TUSC3: variants seen among roughly 807,000 people sequenced by gnomAD.
TUSC3 encodes dolichyl-diphosphooligosaccharide--protein glycosyltransferase subunit TUSC3.
Under a neutral mutation model 44.8 loss-of-function variants are expected in TUSC3, and 45 were observed. The observed-to-expected ratio is 1.00, with a 90% CI of 0.79 to 1.29. The LOEUF is 1.29. Ranked by LOEUF, TUSC3 falls within the 50% of genes most tolerant of loss-of-function variation. TUSC3 has a pLI of 0.00. For synonymous variants in TUSC3, 212 were observed against 152.9 expected (o/e 1.39, Z -2.85); for missense variants, 519 against 437.9 (o/e 1.19, Z -1.65).
chr8:15,461,167 A>G (rs1278220187), intron 1 of TUSC3, among the ~76,000 whole-genome samples: 2 of 152,000 alleles, frequency 1.3e-5, no homozygotes, highest in Non-Finnish European at 2.9e-5. Context: ...TGAGCATGGG[A>G]TGTGTTTCCC....
At chr8:15,669,988 T>A (rs962693055) in intron 5 of TUSC3, among the ~76,000 whole-genome samples, 1 of 131,194 alleles carries the variant, frequency 7.6e-6, no homozygotes, top group African/African-American at 2.6e-5. Flanking sequence ...CATGTCATAA[T>A]GCATCATAAA....
the TUSC3 span, among the ~76,000 whole-genome samples, chr8:15,802,416 A>G: frequency 5.3e-5 from 8 of 152,110 alleles, no homozygotes; most frequent in Non-Finnish European, 1.0e-4. Context: ...AATATAAATA[A>G]TTGCAAAATT....
At chr8:15,464,845 C>T (rs1563258214) in intron 1 of TUSC3, among the ~76,000 whole-genome samples, 2 of 152,048 alleles carry the variant, frequency 1.3e-5, no homozygotes, top group Non-Finnish European at 1.5e-5. Context: ...TTCTTGGAAT[C>T]CTTGAAGACT....
chr8:15,418,888 C>G (rs1222393236), intron 1 of TUSC3, among the ~76,000 whole-genome samples: 1 of 152,118 alleles, frequency 6.6e-6, no homozygotes, highest in African/African-American at 2.4e-5. Context: ...TGCCTGTAGT[C>G]CTAGCTACTT....
At chr8:15,701,196 T>A (rs1270679838) in intron 6 of TUSC3, among the ~76,000 whole-genome samples, 1 of 152,136 alleles carries the variant, frequency 6.6e-6, no homozygotes, top group Admixed American at 6.5e-5. Flanking sequence ...TATTTCCCTG[T>A]AATAATCAAT....
chr8:15,460,148 C>G (rs1800324736), intron 1 of TUSC3, among the ~76,000 whole-genome samples: 1 of 152,068 alleles, frequency 6.6e-6, no homozygotes, highest in African/African-American at 2.4e-5. Context: ...GTTTACATTC[C>G]CAACAGGAGT....
At chr8:15,677,012 T>C (rs1299262491) in intron 6 of TUSC3, among the ~76,000 whole-genome samples, 1 of 152,186 alleles carries the variant, frequency 6.6e-6, no homozygotes, top group East Asian at 1.9e-4. Flanking sequence ...TAAATGTTTA[T>C]TTTTTTAATT....
chr8:15,515,098 C>T (rs1801199936), intron 2 of TUSC3, among the ~76,000 whole-genome samples: 3 of 152,118 alleles, frequency 2.0e-5, no homozygotes. Flanking sequence ...AAGCCAAGAC[C>T]ACACTGTCTT....
chr8:15,433,131 T>C (rs1799893578), intron 1 of TUSC3, among the ~76,000 whole-genome samples: 1 of 152,198 alleles, frequency 6.6e-6, no homozygotes, highest in Admixed American at 6.5e-5. Flanking sequence ...TTTGCATTTA[T>C]ATTGTTTCAG....
At chr8:15,667,871 G>A (rs1312682273) in intron 5 of TUSC3, among the ~76,000 whole-genome samples, 1 of 151,710 alleles carries the variant, frequency 6.6e-6, no homozygotes, top group African/African-American at 2.4e-5. Flanking sequence ...TACAGTGGGC[G>A]TGAACATCTT....
intron 2 of TUSC3, among the ~76,000 whole-genome samples, chr8:15,513,028 C>T (rs902177652): frequency 6.8e-6 from 1 of 147,080 alleles, no homozygotes; most frequent in Admixed American, 6.9e-5. Context: ...GCATGCTGCA[C>T]GTTTAACCCC....
At chr8:15,438,527 G>A (rs145700577) in intron 1 of TUSC3, among the ~76,000 whole-genome samples, 13 of 152,246 alleles carry the variant, frequency 8.5e-5, no homozygotes, top group South Asian at 4.1e-4. Flanking sequence ...TAGACTCGTG[G>A]GTGAGAGATT....
chr8:15,537,760 C>G (rs951994320), upstream of TUSC3, among the ~76,000 whole-genome samples: 1 of 151,928 alleles, frequency 6.6e-6, no homozygotes, highest in Non-Finnish European at 1.5e-5. Flanking sequence ...GATTGAAGTA[C>G]CATTGCTTAC....
downstream of TUSC3, among the ~76,000 whole-genome samples, chr8:15,769,773 C>G (rs1156395386): frequency 6.6e-6 from 1 of 152,162 alleles, no homozygotes; most frequent in Non-Finnish European, 1.5e-5. Flanking sequence ...TGAACAGACA[C>G]TTTTCAAAAG....
intron 1 of TUSC3, among the ~76,000 whole-genome samples, chr8:15,455,061 C>G (rs922302428): frequency 6.6e-6 from 1 of 152,136 alleles, no homozygotes; most frequent in African/African-American, 2.4e-5. Context: ...AAGATGATGA[C>G]TTTGACCTGG....
At chr8:15,695,354 A>T (rs1310551304) in intron 6 of TUSC3, among the ~76,000 whole-genome samples, 1 of 151,766 alleles carries the variant, frequency 6.6e-6, no homozygotes, top group Non-Finnish European at 1.5e-5. Context: ...CCCTGCATTA[A>T]CTCTCTCTTG....
chr8:15,715,800 G>T (rs1403185625), intron 6 of TUSC3, among the ~76,000 whole-genome samples: 1 of 152,036 alleles, frequency 6.6e-6, no homozygotes, highest in Non-Finnish European at 1.5e-5. Flanking sequence ...ATACTTTTCT[G>T]TGGATATGAT....
intron 1 of TUSC3, among the ~76,000 whole-genome samples, chr8:15,465,262 A>G (rs963180125): frequency 4.6e-5 from 7 of 152,164 alleles, no homozygotes; most frequent in East Asian, 1.9e-4. Context: ...ATGGGACACA[A>G]TAAGACTACA....
At chr8:15,766,952 T>A (rs1812348754), downstream of TUSC3, among the ~76,000 whole-genome samples, 1 of 152,122 alleles carries the variant, frequency 6.6e-6, no homozygotes, top group Non-Finnish European at 1.5e-5. Flanking sequence ...ATACTTGAAT[T>A]GACGCTTGAA....
Sources: gnomAD v4.1 joint callset for allele counts (sites outside exome capture counted in the v4.1 genomes callset) on GRCh38, gnomAD v4.1.1 for gene constraint, MANE v1.5 for transcripts, NCBI Gene and HGNC (gene_info 2026-07-23, HGNC 2026-07-21) for gene names.